The following BBS9 variants were observed in gnomAD, a reference collection of about 807,000 sequenced individuals.
BBS9 encodes the protein protein PTHB1.
BBS9 carries 89 observed loss-of-function variants against 117.7 expected under a neutral mutation model. The ratio of observed to expected loss-of-function variants is 0.76; its 90% CI spans 0.64 to 0.90. The LOEUF is 0.90. BBS9 is among the 40% of genes least tolerant of loss of function. The probability of loss-of-function intolerance (pLI) is 0.00; values close to 1 mark genes in which losing one functional copy is unlikely to be tolerated. For synonymous variants in BBS9, 379 were observed against 370.9 expected, an observed-to-expected ratio of 1.02 and a Z score of -0.25; for missense variants, 982 against 1,042.2, an observed-to-expected ratio of 0.94 and a Z score of 0.80.
intron 21 of BBS9, among the ~76,000 whole-genome samples, chr7:33,630,900 T>A (rs1179893735): frequency 6.6e-6 from 1 of 152,148 alleles, no homozygotes; most frequent in Non-Finnish European, 1.5e-5. Flanking sequence ...GTGTTGGGGA[T>A]ACAATAGCCC....
At chr7:33,167,515 G>A (rs1420406051) in intron 4 of BBS9, among the ~76,000 whole-genome samples, 2 of 150,840 alleles carry the variant, frequency 1.3e-5, no homozygotes, top group African/African-American at 4.9e-5. Flanking sequence ...CGACTCTCCT[G>A]CCTCAGCCTC....
chr7:33,170,481 C>A, intron 4 of BBS9, among the ~76,000 whole-genome samples: 1 of 144,164 alleles, frequency 6.9e-6, no homozygotes, highest in Non-Finnish European at 1.5e-5. Context: ...CTATGACAAA[C>A]CCACAGCCAA....
At chr7:33,580,998 C>T (rs2598394) in intron 21 of BBS9, among the ~76,000 whole-genome samples, 62,043 of 151,950 alleles carry the variant, frequency 0.41, 17,649 homozygotes, top group African/African-American at 0.81. Context: ...CTGTGTTATA[C>T]AGCCAGTCAT....
intron 5 of BBS9, among the ~76,000 whole-genome samples, chr7:33,225,479 A>G (rs1325667862): frequency 1.3e-5 from 2 of 152,192 alleles, no homozygotes; most frequent in South Asian, 2.1e-4. Context: ...GATTATGGAC[A>G]TGTGCCACTG....
In BBS9 at chr7:33,549,521, C is replaced by T. The variant is rs1854002874; in HGVS notation, c.2521+15345C>T. ...CAAAATGGGAGAAAATTTTCGCAAG[C>T]TACTCATCTGACAAAGGGCTAATAT... is the stretch of plus-strand genomic sequence containing the variant. On this transcript the variant is annotated intron_variant, in intron 21 of 22. Transcript: ENST00000242067. Among the ~76,000 whole-genome samples, 3 of 150,634 alleles carry T rather than the reference C, an allele frequency of 2.0e-5. No homozygotes were observed. The South Asian group carries it at 6.4e-4, about 32-fold the overall frequency.
intron 19 of BBS9, among the ~76,000 whole-genome samples, chr7:33,399,607 C>A (rs1828579803): frequency 6.6e-6 from 1 of 152,082 alleles, no homozygotes; most frequent in African/African-American, 2.4e-5. Context: ...ATTGTACCTG[C>A]ATAATTGTTA....
At chr7:33,383,545 C>A in intron 17 of BBS9, 121 bp from the exon 18 acceptor site, 2 of 886,042 alleles carry the variant, frequency 2.3e-6, no homozygotes, top group Admixed American at 2.2e-5. Flanking sequence ...CCAGTGTAAT[C>A]ATATCTTTGT....
chr7:33,442,733 G>C (rs1412100080), intron 19 of BBS9, among the ~76,000 whole-genome samples: 1 of 152,104 alleles, frequency 6.6e-6, no homozygotes, highest in East Asian at 1.9e-4. Context: ...CTCAAAGAAG[G>C]TGTATGCATT....
At chr7:33,274,567 C>G (rs1325817529) in intron 9 of BBS9, among the ~76,000 whole-genome samples, 1 of 152,170 alleles carries the variant, frequency 6.6e-6, no homozygotes, top group Non-Finnish European at 1.5e-5. Flanking sequence ...TGCCGATGAA[C>G]TTTTTAGCAT....
chr7:33,541,885 A>G (rs970670083), intron 21 of BBS9, among the ~76,000 whole-genome samples: 3 of 152,220 alleles, frequency 2.0e-5, no homozygotes, highest in Non-Finnish European at 4.4e-5. Context: ...TGATATGACT[A>G]TACTAAAAAC....
intron 18 of BBS9, among the ~76,000 whole-genome samples, chr7:33,386,034 G>A (rs892749980): frequency 1.3e-5 from 2 of 152,076 alleles, no homozygotes; most frequent in Non-Finnish European, 2.9e-5. Flanking sequence ...TAACGTAAAT[G>A]ACAAGTTAAT....
chr7:33,232,610 TG>T (rs1408978300), intron 5 of BBS9, among the ~76,000 whole-genome samples: 1 of 152,132 alleles, frequency 6.6e-6, no homozygotes, highest in Non-Finnish European at 1.5e-5. Context: ...TGTGATAACA[TG>T]TACAAGGATA....
In BBS9 at chr7:33,218,900, A is replaced by G. The variant is rs552189706; in HGVS notation, c.443-38336A>G. ...CACTTGAGGAGCCCTTCAGCCCACC[A>G]CTGCACTGTGGGAGCCCCTTTCTGG... On this transcript the variant is annotated intron_variant, in intron 5 of 22. Coordinates refer to ENST00000242067, the MANE Select transcript of BBS9 (RefSeq NM_198428.3). Among the ~76,000 whole-genome samples, 9 of 152,266 alleles carry G rather than the reference A, an allele frequency of 5.9e-5. 1 individual carries two copies. The South Asian group carries it at 1.9e-3, about 32-fold the overall frequency.
At chr7:33,232,427 G>A (rs991773269) in intron 5 of BBS9, among the ~76,000 whole-genome samples, 1 of 152,126 alleles carries the variant, frequency 6.6e-6, no homozygotes, top group African/African-American at 2.4e-5. Flanking sequence ...AAAATGTAGT[G>A]TGGTTTTGGT....
chr7:33,314,290 A>G (rs1809980762), intron 9 of BBS9: 2 of 424,170 alleles, frequency 4.7e-6, no homozygotes, highest in Admixed American at 2.7e-5. Context: ...TGTTGCCTCG[A>G]TCTTCCACTT....
At chr7:33,470,505 A>G (rs971495051) in intron 19 of BBS9, among the ~76,000 whole-genome samples, 2 of 151,976 alleles carry the variant, frequency 1.3e-5, no homozygotes, top group Non-Finnish European at 2.9e-5. Flanking sequence ...TCTCTTGTAG[A>G]TTATCCTCCA....
chr7:33,581,511 T>C (rs1368099628), intron 21 of BBS9, among the ~76,000 whole-genome samples: 2 of 152,132 alleles, frequency 1.3e-5, no homozygotes, highest in Non-Finnish European at 2.9e-5. Context: ...AGAAGGCTCA[T>C]GTAACTTACT....
At chr7:33,552,855 G>C (rs181409151) in intron 21 of BBS9, among the ~76,000 whole-genome samples, 26 of 152,124 alleles carry the variant, frequency 1.7e-4, no homozygotes, top group Admixed American at 6.5e-4. Flanking sequence ...TTGGTTTTAG[G>C]ATTAAACTTA....
At chr7:33,167,895 T>A (rs942674456) in intron 4 of BBS9, among the ~76,000 whole-genome samples, 2 of 152,182 alleles carry the variant, frequency 1.3e-5, no homozygotes, top group South Asian at 4.1e-4. Flanking sequence ...GGAAATAACT[T>A]TAAATGATTA....
Sources: allele counts gnomAD v4.1 joint callset (sites outside exome capture counted in the v4.1 genomes callset), GRCh38; gene constraint gnomAD v4.1.1; transcripts MANE v1.5; gene names NCBI Gene and HGNC (gene_info 2026-07-23, HGNC 2026-07-21).